ABCC6: variants seen among roughly 807,000 people sequenced by gnomAD.
ABCC6 encodes ATP binding cassette subfamily C member 6, also known as ATP-binding cassette sub-family C member 6.
In ABCC6, 126 loss-of-function variants were observed where a neutral mutation model predicts 169.5. The observed-to-expected ratio is 0.74, with a 90% CI of 0.64 to 0.86. The LOEUF (loss-of-function observed/expected upper bound fraction) is 0.86, where lower values mean the gene tolerates loss of function less well. Ranked by LOEUF, ABCC6 falls within the 40% of genes least tolerant of loss-of-function variation. ABCC6 has a pLI of 0.00. For synonymous variants in ABCC6, 752 were observed against 814.7 expected, an observed-to-expected ratio of 0.92 and a Z score of 1.31; for missense variants, 1,733 against 1,927.2, an observed-to-expected ratio of 0.90 and a Z score of 1.89.
intron 9 of ABCC6, among the ~76,000 whole-genome samples, chr16:16,201,003 C>G (rs1311952654): frequency 6.6e-6 from 1 of 152,056 alleles, no homozygotes; most frequent in African/African-American, 2.4e-5. Context: ...GTCTCGCTCT[C>G]TTACCCAGGC....
At chr16:16,217,340 C>T (rs1474774828) in intron 4 of ABCC6, among the ~76,000 whole-genome samples, 3 of 151,800 alleles carry the variant, frequency 2.0e-5, no homozygotes, top group Admixed American at 6.6e-5. Flanking sequence ...TCTGCACTCC[C>T]AAGCTTTGTG....
chr16:16,203,588 T>C lies in ABCC6; in HGVS notation c.820A>G (p.Arg274Gly). 1 of 1,614,058 alleles carries C rather than the reference T, an allele frequency of 6.2e-7. No individual in the cohort carries two copies. Among genetic ancestry groups the C allele is most frequent in the Non-Finnish European group, 8.5e-7 (1 of 1,179,876 alleles). Residue 274 changes from arginine (R) to glycine (G), a missense_variant, in exon 8 of 31, where the codon AGG (arginine) becomes GGG (glycine). This residue lies in a region of ABCC6 where 1,601 missense variants were observed against 1,635.5 expected (regional missense o/e 0.98). Coordinates refer to ENST00000205557, the MANE Select transcript of ABCC6 (RefSeq NM_001171.6). ...GCCTTCATGCCACTGCCGCCTTTCC[T>C]TTTAAATGCTATTGCCTTGTTGTGC... ...RRHNKAIAFK[R>G]KGGSGMKAPE...
At chr16:16,192,997 T>TC in intron 10 of ABCC6, 75 bp from the exon 11 acceptor site, 1 of 1,273,022 alleles carries the variant, frequency 7.9e-7, no homozygotes, top group East Asian at 2.3e-5. Flanking sequence ...CCAGAGCAAC[T>TC]CCATCTTGAA....
intron 9 of ABCC6, 147 bp downstream of exon 9, chr16:16,201,854 G>T: frequency 1.0e-6 from 1 of 975,616 alleles, no homozygotes; most frequent in South Asian, 1.4e-5. Context: ...ATAATACAGA[G>T]AAATAACTAA....
chr16:16,178,358 C>T (rs2047355943), intron 18 of ABCC6, among the ~76,000 whole-genome samples: 1 of 151,912 alleles, frequency 6.6e-6, no homozygotes, highest in Non-Finnish European at 1.5e-5. Context: ...AAGTTACACA[C>T]ATGTGCTTGG....
At chr16:16,154,039 T>TC (rs2046465599) in intron 29 of ABCC6, among the ~76,000 whole-genome samples, 1 of 151,672 alleles carries the variant, frequency 6.6e-6, no homozygotes, top group South Asian at 2.1e-4. Flanking sequence ...AACCTTCGCC[T>TC]CCCTGGCTCA....
intron 7 of ABCC6, among the ~76,000 whole-genome samples, chr16:16,204,926 C>G (rs991970170): frequency 6.6e-6 from 1 of 151,160 alleles, no homozygotes; most frequent in Non-Finnish European, 1.5e-5. Context: ...ACCTCTGCCT[C>G]CTGGGTTCAA....
rs1245179912 is a variant in ABCC6 at position 16,150,113 on chromosome 16, G to C, written c.*20C>G. On this transcript the variant is annotated 3_prime_UTR_variant, in exon 31 of 31. Transcript: ENST00000205557. ...GGCTGTGCGGGCTGGTCCAACTGGG[G>C]TACGGTTGAGGGTCCTGGCTCAGAC... 1 of 1,611,758 alleles carries C rather than the reference G, an allele frequency of 6.2e-7. No homozygotes were observed. Among genetic ancestry groups the C allele is most frequent in the South Asian group, 1.1e-5 (1 of 90,946 alleles).
At chr16:16,198,641 G>C in intron 9 of ABCC6, among the ~76,000 whole-genome samples, 1 of 151,666 alleles carries the variant, frequency 6.6e-6, no homozygotes, top group Non-Finnish European at 1.5e-5. Flanking sequence ...TTGATCCCAG[G>C]AGTTCGAAAC....
In ABCC6 at chr16:16,192,878, G is replaced by A; in HGVS notation, c.1383C>T (p.Ser461=). 2 of 1,614,148 alleles carry A rather than the reference G, an allele frequency of 1.2e-6. No individual in the cohort carries two copies. Among genetic ancestry groups the A allele is most frequent in the African/African-American group, 1.3e-5 (1 of 75,040 alleles). Residue 461 remains serine, a synonymous_variant, in exon 11 of 31, where the codon AGC becomes AGT. Coordinates refer to ENST00000205557, the MANE Select transcript of ABCC6 (RefSeq NM_001171.6). Reference sequence around the variant, plus strand: ...AGATGAAGAAATTCAGAGGGAGGAGGCTCAGGAAGACAGCGATGGCAGTGA... The same window carrying A: ...AGATGAAGAAATTCAGAGGGAGGAGACTCAGGAAGACAGCGATGGCAGTGA... The part of the protein sequence containing the change: ...SALTAIAVFL[S]LLPLNFFISK...
Position 16,185,023 on chromosome 16 carries a change from C to A in ABCC6, c.1879G>T (p.Asp627Tyr), listed in dbSNP as rs1466190573. 6.2e-7 allele frequency: 1 copy of A among 1,613,702 alleles called. No individual in the cohort carries two copies. The highest frequency in any genetic ancestry group is 2.2e-5 in the East Asian group (1 of 44,870). The change falls in exon 15 of 31, where the codon GAT (aspartate) becomes TAT (tyrosine). Residue 627 changes from aspartate (D) to tyrosine (Y), a missense_variant. Asp to Tyr is a radical substitution (Grantham distance 160). Around this residue, in one of 5 missense-constraint regions of ABCC6, gnomAD observed 1,601 missense variants for 1,635.5 expected, o/e 0.98. Transcript: ENST00000205557. Reference sequence around the variant, plus strand: ...GTGGCACTGTGTATGGTGATGCAATCCTTCCCGGCAGCTGCAGGGCACAAG... The same window carrying A: ...GTGGCACTGTGTATGGTGATGCAATACTTCCCGGCAGCTGCAGGGCACAAG... ...SSSSGSAAGK[D>Y]CITIHSATFA... is the part of the protein sequence containing the mutation.
At chr16:16,161,632 A>G in intron 24 of ABCC6, 68 bp from the exon 25 acceptor site, 1 of 1,604,734 alleles carries the variant, frequency 6.2e-7, no homozygotes, top group Non-Finnish European at 8.5e-7. Context: ...CTCTGGGCAC[A>G]AGGACTGGTC....
At chr16:16,181,035 G>A (rs987065579) in intron 17 of ABCC6, among the ~76,000 whole-genome samples, 5 of 152,134 alleles carry the variant, frequency 3.3e-5, no homozygotes, top group African/African-American at 1.2e-4. Flanking sequence ...CAGGTTCAGG[G>A]GCTCACGCCT....
intron 15 of ABCC6, among the ~76,000 whole-genome samples, chr16:16,183,498 C>T (rs1419205800): frequency 2.0e-5 from 3 of 152,150 alleles, no homozygotes; most frequent in East Asian, 1.9e-4. Flanking sequence ...CAGCTAAACC[C>T]GCCAGCACTC....
intron 6 of ABCC6, among the ~76,000 whole-genome samples, chr16:16,209,377 C>T (rs2048516057): frequency 6.6e-6 from 1 of 152,110 alleles, no homozygotes; most frequent in Non-Finnish European, 1.5e-5. Flanking sequence ...AGCCACCACA[C>T]CCAGCCTGTA....
At chr16:16,187,101 C>G in intron 14 of ABCC6, 23 bp downstream of exon 14, 1 of 1,605,112 alleles carries the variant, frequency 6.2e-7, no homozygotes, top group Non-Finnish European at 8.5e-7. Context: ...TCCCACACCC[C>G]TCCTGCCAGA....
chr16:16,206,181 A>G (rs2048386301), intron 7 of ABCC6, among the ~76,000 whole-genome samples: 1 of 152,064 alleles, frequency 6.6e-6, no homozygotes, highest in Non-Finnish European at 1.5e-5. Flanking sequence ...TGCAGGTCTC[A>G]CCTCCCATCA....
rs1482277103 is a variant in ABCC6 at position 16,203,421 on chromosome 16, G to A, written c.987C>T (p.Pro329=). The A allele has an allele frequency of 3.1e-6, 5 of 1,613,758 alleles. No homozygotes were observed. In the African/African-American group the frequency reaches 6.7e-5, roughly 22 times the overall value. Reference sequence around the variant, plus strand: ...GGTCTGGGACTCACCTGAGCAGCTTGGGGACAGTGAACCTGAAGACATCAC... The same window carrying A: ...GGTCTGGGACTCACCTGAGCAGCTTAGGGACAGTGAACCTGAAGACATCAC... ...IISDVFRFTV[P]KLLSLFLEFI... The change falls in exon 8 of 31, where the codon CCC becomes CCT. Residue 329 remains proline (P), a synonymous_variant. Coordinates refer to ENST00000205557, the MANE Select transcript of ABCC6 (RefSeq NM_001171.6).
At chr16:16,169,098 T>C (rs554860294) in intron 22 of ABCC6, among the ~76,000 whole-genome samples, 41 of 151,900 alleles carry the variant, frequency 2.7e-4, no homozygotes, top group South Asian at 1.7e-3. Flanking sequence ...AATAAACAAA[T>C]AAATAAATAA....
Sources: allele counts gnomAD v4.1 joint callset (sites outside exome capture counted in the v4.1 genomes callset), GRCh38; gene constraint gnomAD v4.1.1; regional missense constraint gnomAD v4.1.1; transcripts MANE v1.5; gene names NCBI Gene and HGNC (gene_info 2026-07-23, HGNC 2026-07-21).